STON1: variants seen among roughly 807,000 people sequenced by gnomAD.
STON1 encodes the protein stonin 1.
In STON1, 79 loss-of-function variants were observed where a neutral mutation model predicts 60.9. The ratio of observed to expected loss-of-function variants is 1.30; its 90% CI spans 1.08 to 1.56. The LOEUF is 1.56. STON1 is among the 40% of genes most tolerant of loss of function. STON1 has a pLI of 0.00. For synonymous variants in STON1, 363 were observed against 306.9 expected (o/e 1.18, Z -1.91); for missense variants, 1,166 against 858.9 (o/e 1.36, Z -4.47).
chr2:48,536,172 A>T lies in STON1; in HGVS notation c.-48+5956A>T, dbSNP rs527599952. On this transcript the variant is annotated intron_variant, in intron 1 of 3. Transcript: ENST00000404752. ...CTGTGTGACCTTGGGCAAGTTGCCAAGTTCTCTCAGTCTCCTCATCTATGA... is the reference window on the plus strand; with the variant it reads ...CTGTGTGACCTTGGGCAAGTTGCCATGTTCTCTCAGTCTCCTCATCTATGA... 6.6e-5 allele frequency among the ~76,000 whole-genome samples: 10 copies of T among 152,186 alleles called. No individual in the cohort carries two copies. In the South Asian group the frequency reaches 1.9e-3, roughly 28 times the overall value.
intron 1 of STON1, among the ~76,000 whole-genome samples, chr2:48,560,244 G>A (rs1208495910): frequency 6.6e-6 from 1 of 152,120 alleles, no homozygotes; most frequent in African/African-American, 2.4e-5. Context: ...GGAGAAGGAG[G>A]AAATTTGCAT....
rs570671408 is a variant in STON1, at chr2:48,572,440, C to T, written c.-47-8147C>T. Among the ~76,000 whole-genome samples the T allele has an allele frequency of 2.0e-5, 3 of 152,242 alleles. No homozygotes were observed. The East Asian group carries it at 5.8e-4, about 29-fold the overall frequency. ...TGGACAGTGAGGGGGTAGGAGTGCACTTTGCATAGATCTGGGTTTCAAGGT... is the reference window on the plus strand; with the variant it reads ...TGGACAGTGAGGGGGTAGGAGTGCATTTTGCATAGATCTGGGTTTCAAGGT... On this transcript the variant is annotated intron_variant, in intron 1 of 3. Coordinates refer to ENST00000404752, the MANE Select transcript of STON1 (RefSeq NM_006873.4).
intron 1 of STON1, among the ~76,000 whole-genome samples, chr2:48,556,884 C>G (rs1307044376): frequency 1.0e-4 from 2 of 19,526 alleles, no homozygotes. Flanking sequence ...GGTGGCTGGC[C>G]GGGCTGAGGG....
At position 48,554,724 on chromosome 2, in the gene STON1, TTATTTA is replaced by T. The variant is rs1425468676; in HGVS notation, c.-48+24510_-48+24515del. On this transcript the variant is annotated intron_variant, in intron 1 of 3. Coordinates refer to ENST00000404752, the MANE Select transcript of STON1 (RefSeq NM_006873.4). ...AGTGCAAAATTTTTTTTTTTTTTTT[TTATTTA>T]TTTATTTATTTTTTTATTGATAATT... Among the ~76,000 whole-genome samples, 4 of 83,704 alleles carry T rather than the reference TTATTTA, an allele frequency of 4.8e-5. 1 individual carries two copies. Among genetic ancestry groups the T allele is most frequent in the Non-Finnish European group, 1.0e-4 (4 of 38,944 alleles). 54.9% of individuals were successfully genotyped at this position (83,704 alleles called of 152,430 possible). A position where few individuals can be genotyped will look rare whatever the true frequency, so the allele number is the denominator to read the frequency against.
intron 1 of STON1, among the ~76,000 whole-genome samples, chr2:48,561,883 C>T (rs1468781180): frequency 1.3e-5 from 2 of 152,118 alleles, no homozygotes; most frequent in Non-Finnish European, 2.9e-5. Context: ...TTTTTTGAAA[C>T]AGAGTCTCAC....
At chr2:48,551,348 C>T (rs1260473319) in intron 1 of STON1, among the ~76,000 whole-genome samples, 2 of 152,350 alleles carry the variant, frequency 1.3e-5, no homozygotes, top group East Asian at 3.9e-4. Flanking sequence ...CCCAATGCTT[C>T]CAGGGCTGGG....
At chr2:48,561,986 G>A (rs1208230084) in intron 1 of STON1, among the ~76,000 whole-genome samples, 12 of 152,222 alleles carry the variant, frequency 7.9e-5, no homozygotes, top group Admixed American at 3.3e-4. Flanking sequence ...TCAGCCTCCC[G>A]AGTAGCTGGG....
rs56161323 is a variant in STON1, at chr2:48,557,385, A to G, written c.-47-23202A>G. Among the ~76,000 whole-genome samples the G allele has an allele frequency of 2.0e-4, 18 of 89,784 alleles. 1 individual carries two copies. Among genetic ancestry groups the G allele is most frequent in the African/African-American group, 5.9e-4 (15 of 25,406 alleles). The allele number at this position is 89,784 out of a possible 152,430, so 58.9% of individuals were successfully genotyped here. On this transcript the variant is annotated intron_variant, in intron 1 of 3. Transcript: ENST00000404752. ...CCACATCTCAGACGATGGGCGGCCG[A>G]GCAGAGAGGCTCCTCACTTCCTAGA...
rs530853508 is a variant in STON1, at chr2:48,554,155, A to C, written c.-48+23939A>C. 2.6e-5 allele frequency among the ~76,000 whole-genome samples: 4 copies of C among 152,296 alleles called. No individual in the cohort carries two copies. The South Asian group carries it at 8.3e-4, about 32-fold the overall frequency. On this transcript the variant is annotated intron_variant, in intron 1 of 3. Transcript: ENST00000404752. Reference sequence around the variant, plus strand: ...TGTGCCTTGCTGAGCTGGGCTGTGCAGAGGCACCTGAGATGACTTGGGCTT... The same window carrying C: ...TGTGCCTTGCTGAGCTGGGCTGTGCCGAGGCACCTGAGATGACTTGGGCTT...
At chr2:48,532,346 CTAAATAAATAAATAAATAAA>C (rs10564346) in intron 1 of STON1, among the ~76,000 whole-genome samples, 3 of 134,494 alleles carry the variant, frequency 2.2e-5, no homozygotes, top group Admixed American at 7.7e-5. Flanking sequence ...AAGACTCTGT[CTAAATAAATAAATAAATAAA>C]TAAATAAATA....
chr2:48,568,655 A>G (rs74604130), intron 1 of STON1, among the ~76,000 whole-genome samples: 10,005 of 152,276 alleles, frequency 0.066, 468 homozygotes, highest in Non-Finnish European at 0.1. Flanking sequence ...AGGGCAGGAC[A>G]GTCAGTTGAT....
chr2:48,568,264 C>G lies in STON1; in HGVS notation c.-47-12323C>G, dbSNP rs984195271. ...AACAGAGGAGCCAGACATTAGGGAC[C>G]ACATTGGGGCGTGCTTTTCCCCACA... On this transcript the variant is annotated intron_variant, in intron 1 of 3. Transcript: ENST00000404752. Among the ~76,000 whole-genome samples the G allele has an allele frequency of 2.6e-5, 4 of 152,128 alleles. No homozygotes were observed. The South Asian group carries it at 8.3e-4, about 32-fold the overall frequency.
rs539739632 is a variant in STON1 at position 48,592,543 on chromosome 2, T to G, written c.2133+688T>G. Among the ~76,000 whole-genome samples the G allele has an allele frequency of 3.2e-3, 479 of 151,244 alleles. 3 individuals are homozygous for G. The highest frequency in any genetic ancestry group is 0.011 in the African/African-American group (435 of 41,280). On this transcript the variant is annotated intron_variant, in intron 3 of 3. Coordinates refer to ENST00000404752, the MANE Select transcript of STON1 (RefSeq NM_006873.4). Reference sequence around the variant, plus strand: ...GCCTCCTGGGTCCAAGCGATTCTCCTGCCTCAGCCTCTCAAGTAACTGGGA... The same window carrying G: ...GCCTCCTGGGTCCAAGCGATTCTCCGGCCTCAGCCTCTCAAGTAACTGGGA...
intron 1 of STON1, among the ~76,000 whole-genome samples, chr2:48,547,471 C>T (rs547968989): frequency 2.0e-5 from 3 of 152,272 alleles, no homozygotes; most frequent in South Asian, 2.1e-4. Context: ...CATAGAGCTA[C>T]GAGGCATGGC....
chr2:48,532,198 G>T (rs988641810), intron 1 of STON1, among the ~76,000 whole-genome samples: 25 of 151,874 alleles, frequency 1.6e-4, no homozygotes, highest in African/African-American at 6.0e-4. Flanking sequence ...AAATACAAAA[G>T]CTAGCTGGGC....
chr2:48,542,971 CT>C (rs761874001), intron 1 of STON1, among the ~76,000 whole-genome samples: 19,761 of 105,358 alleles, frequency 0.19, 1,039 homozygotes, highest in East Asian at 0.27. Flanking sequence ...AATATCTTGA[CT>C]TTTTTTTTTT....
chr2:48,564,733 C>CTTTTTT (rs776637856), intron 1 of STON1, among the ~76,000 whole-genome samples: 4 of 100,912 alleles, frequency 4.0e-5, no homozygotes, highest in Admixed American at 1.1e-4. Context: ...TTCTTTCTTT[C>CTTTTTT]TTTTTTTTTT....
At position 48,582,482 on chromosome 2, in the gene STON1, G is replaced by T. The variant is rs778606807; in HGVS notation, c.1849G>T (p.Val617Phe). ...ACTTGAATCTGAACCTGTCATTCAA[G>T]TCACTGTGGGGTCAGCAAAATATGA... Reference protein sequence around the residue: ...QELESEPVIQVTVGSAKYESA... With the variant: ...QELESEPVIQFTVGSAKYESA... The change falls in exon 2 of 4, where the codon GTC becomes TTC. Residue 617 changes from valine to phenylalanine, a missense_variant. Physicochemically the swap from Val to Phe is conservative, Grantham distance 50 (BLOSUM62 -1). Transcript: ENST00000404752. The T allele has an allele frequency of 7.4e-6, 12 of 1,614,198 alleles. No homozygotes were observed. The highest frequency in any genetic ancestry group is 3.3e-5 in the Admixed American group (2 of 60,032).
chr2:48,564,453 TTC>T (rs1193958789), intron 1 of STON1, among the ~76,000 whole-genome samples: 11 of 53,480 alleles, frequency 2.1e-4, no homozygotes, highest in African/African-American at 7.0e-4. Flanking sequence ...CTTCTTCTTC[TTC>T]TTCTTCTTCT....
Sources: allele counts gnomAD v4.1 joint callset (sites outside exome capture counted in the v4.1 genomes callset), GRCh38; gene constraint gnomAD v4.1.1; transcripts MANE v1.5; gene names NCBI Gene and HGNC (gene_info 2026-07-23, HGNC 2026-07-21).